Variants in NELL1 observed in about 807,000 individuals in gnomAD.
The protein encoded by NELL1 is neural EGFL like 1.
In NELL1, 76 loss-of-function variants were observed where a neutral mutation model predicts 107.4. The observed-to-expected ratio is 0.71, with a 90% CI of 0.59 to 0.86. NELL1 has a LOEUF of 0.86. Ranked by LOEUF, NELL1 falls within the 40% of genes least tolerant of loss-of-function variation. The pLI, the probability that NELL1 is intolerant of heterozygous loss-of-function variation, is 0.00. For synonymous variants in NELL1, 353 were observed against 341.2 expected, an observed-to-expected ratio of 1.03 and a Z score of -0.38; for missense variants, 1,024 against 1,005.5, an observed-to-expected ratio of 1.02 and a Z score of -0.25.
chr11:21,149,334 G>A (rs750420630), intron 13 of NELL1, among the ~76,000 whole-genome samples: 15 of 152,202 alleles, frequency 9.9e-5, no homozygotes, highest in Non-Finnish European at 2.2e-4. Flanking sequence ...CCAAGACTGG[G>A]TTATTTATAA....
At chr11:20,866,740 C>T (rs1303687925) in intron 4 of NELL1, among the ~76,000 whole-genome samples, 1 of 152,182 alleles carries the variant, frequency 6.6e-6, no homozygotes, top group East Asian at 1.9e-4. Context: ...ATCACCTCAT[C>T]TTCTTTTATT....
intron 14 of NELL1, among the ~76,000 whole-genome samples, chr11:21,367,234 A>G (rs1443021398): frequency 6.7e-6 from 1 of 149,668 alleles, no homozygotes; most frequent in Non-Finnish European, 1.5e-5. Context: ...AAATGGCACT[A>G]TAATGACAGA....
intron 2 of NELL1, among the ~76,000 whole-genome samples, chr11:20,752,633 C>T (rs1856167781): frequency 6.6e-6 from 1 of 152,160 alleles, no homozygotes; most frequent in South Asian, 2.1e-4. Flanking sequence ...GAAAACCTGG[C>T]ACCAACTCTA....
chr11:20,812,180 A>G (rs1353297352), intron 3 of NELL1, among the ~76,000 whole-genome samples: 4 of 152,198 alleles, frequency 2.6e-5, no homozygotes, highest in Non-Finnish European at 5.9e-5. Flanking sequence ...CGTTTTCTGC[A>G]TCTATTGAGA....
chr11:21,203,363 T>A (rs2219098), intron 13 of NELL1, among the ~76,000 whole-genome samples: 8,107 of 151,984 alleles, frequency 0.053, 710 homozygotes, highest in African/African-American at 0.18. Flanking sequence ...TTGATCCCAT[T>A]ACCATTATGT....
intron 14 of NELL1, among the ~76,000 whole-genome samples, chr11:21,338,176 G>C (rs1476370207): frequency 6.6e-6 from 1 of 152,122 alleles, no homozygotes; most frequent in East Asian, 1.9e-4. Flanking sequence ...TAAAATGCCG[G>C]TGTCATGCAA....
At chr11:21,325,444 T>C (rs990106794) in intron 14 of NELL1, among the ~76,000 whole-genome samples, 8 of 152,086 alleles carry the variant, frequency 5.3e-5, no homozygotes, top group African/African-American at 1.9e-4. Flanking sequence ...TTCTTACCAG[T>C]GTGGCATGAG....
intron 14 of NELL1, among the ~76,000 whole-genome samples, chr11:21,279,878 T>C (rs1002061039): frequency 6.6e-6 from 1 of 152,194 alleles, no homozygotes; most frequent in African/African-American, 2.4e-5. Context: ...AATATTGTTC[T>C]ATGCCAAAAA....
intron 15 of NELL1, among the ~76,000 whole-genome samples, chr11:21,476,031 A>G (rs963394620): frequency 1.3e-5 from 2 of 152,200 alleles, no homozygotes; most frequent in African/African-American, 4.8e-5. Flanking sequence ...TGAGTTGTAC[A>G]TGTACAGTTA....
intron 15 of NELL1, among the ~76,000 whole-genome samples, chr11:21,434,382 G>C (rs1464866416): frequency 6.6e-6 from 1 of 151,870 alleles, no homozygotes; most frequent in Non-Finnish European, 1.5e-5. Context: ...GTGAGATATG[G>C]GGCTCTAGTT....
At chr11:21,125,124 A>G (rs138509739) in intron 13 of NELL1, among the ~76,000 whole-genome samples, 1 of 152,314 alleles carries the variant, frequency 6.6e-6, no homozygotes, top group Non-Finnish European at 1.5e-5. Flanking sequence ...GTGGAGTCCT[A>G]CCACACTACC....
intron 14 of NELL1, among the ~76,000 whole-genome samples, chr11:21,364,862 T>G (rs1851180382): frequency 6.6e-6 from 1 of 152,220 alleles, no homozygotes; most frequent in African/African-American, 2.4e-5. Context: ...AAAATGCTCC[T>G]GCTTCTCTGA....
At chr11:20,896,038 G>C (rs1849730346) in intron 5 of NELL1, among the ~76,000 whole-genome samples, 1 of 151,884 alleles carries the variant, frequency 6.6e-6, no homozygotes, top group South Asian at 2.1e-4. Context: ...TTGTTACATA[G>C]ATAAATTCTT....
intron 4 of NELL1, among the ~76,000 whole-genome samples, chr11:20,876,459 A>T (rs774335978): frequency 5.3e-5 from 8 of 152,122 alleles, no homozygotes; most frequent in Non-Finnish European, 1.0e-4. Context: ...AGGCAGCCTG[A>T]TATGGAATTC....
At chr11:21,313,348 C>A (rs187903715) in intron 14 of NELL1, among the ~76,000 whole-genome samples, 1 of 152,222 alleles carries the variant, frequency 6.6e-6, no homozygotes, top group Admixed American at 6.5e-5. Flanking sequence ...GGATAATTCT[C>A]AATTTTGATG....
At chr11:21,131,313 T>A (rs2133757499) in intron 13 of NELL1, among the ~76,000 whole-genome samples, 1 of 152,346 alleles carries the variant, frequency 6.6e-6, no homozygotes, top group African/African-American at 2.4e-5. Flanking sequence ...ATCCACCTAT[T>A]AAGCAAATCA....
intron 14 of NELL1, among the ~76,000 whole-genome samples, chr11:21,298,922 T>G (rs1849433746): frequency 6.6e-6 from 1 of 151,998 alleles, no homozygotes; most frequent in Admixed American, 6.6e-5. Flanking sequence ...TTCTCTCTCC[T>G]GTGAGGCTAT....
At chr11:21,423,915 G>A (rs1852757239) in intron 15 of NELL1, among the ~76,000 whole-genome samples, 2 of 152,218 alleles carry the variant, frequency 1.3e-5, no homozygotes, top group African/African-American at 4.8e-5. Flanking sequence ...ATTAGAAAAT[G>A]CTTAGAGATG....
At chr11:21,183,958 A>G (rs1856880547) in intron 13 of NELL1, among the ~76,000 whole-genome samples, 1 of 151,728 alleles carries the variant, frequency 6.6e-6, no homozygotes, top group African/African-American at 2.4e-5. Context: ...TCATAGGTGG[A>G]AAGAATAAAT....
Sources: allele counts gnomAD v4.1 joint callset (sites outside exome capture counted in the v4.1 genomes callset), GRCh38; gene constraint gnomAD v4.1.1; transcripts MANE v1.5; gene names NCBI Gene and HGNC (gene_info 2026-07-23, HGNC 2026-07-21).